The following PLEKHB2 variants were observed in gnomAD, a reference collection of about 807,000 sequenced individuals.
PLEKHB2 encodes the protein pleckstrin homology domain containing B2, also known as pleckstrin homology domain-containing family B member 2.
In PLEKHB2, 31 loss-of-function variants were observed where a neutral mutation model predicts 36.5. The observed-to-expected ratio is 0.85, with a 90% CI of 0.64 to 1.15. PLEKHB2 has a LOEUF of 1.15. Ranked by LOEUF, PLEKHB2 falls within the 50% of genes most tolerant of loss-of-function variation. The pLI is 0.00. For missense variants in PLEKHB2, 262 were observed against 295.3 expected (o/e 0.89, Z 0.83); for synonymous variants, 119 against 112.0 (o/e 1.06, Z -0.39).
intron 7 of PLEKHB2, among the ~76,000 whole-genome samples, chr2:131,143,675 C>T (rs554247806): frequency 4.6e-5 from 7 of 152,160 alleles, no homozygotes; most frequent in Non-Finnish European, 8.8e-5. Flanking sequence ...GTGGAATCAT[C>T]GAGTTGCTTT....
At chr2:131,129,453 T>A (rs1346290104) in intron 4 of PLEKHB2, among the ~76,000 whole-genome samples, 2 of 149,376 alleles carry the variant, frequency 1.3e-5, no homozygotes, top group Admixed American at 6.7e-5. Context: ...ATAAGAGGGA[T>A]AGGGTCAGTA....
chr2:131,131,914 A>G (rs1238106594), intron 5 of PLEKHB2, among the ~76,000 whole-genome samples: 1 of 151,768 alleles, frequency 6.6e-6, no homozygotes, highest in African/African-American at 2.4e-5. Context: ...GCTCACTGCA[A>G]CCTCTGCCTC....
intron 1 of PLEKHB2, among the ~76,000 whole-genome samples, chr2:131,116,397 C>T (rs761077201): frequency 3.3e-5 from 5 of 152,156 alleles, no homozygotes; most frequent in Non-Finnish European, 7.3e-5. Context: ...TCTCATACTC[C>T]TTTAAAGAAC....
At chr2:131,142,526 T>C (rs915840643) in intron 7 of PLEKHB2, among the ~76,000 whole-genome samples, 2 of 152,150 alleles carry the variant, frequency 1.3e-5, no homozygotes, top group African/African-American at 4.8e-5. Flanking sequence ...TTTAATCATT[T>C]TCCTTTTTGT....
intron 6 of PLEKHB2, among the ~76,000 whole-genome samples, chr2:131,136,204 C>CCCTCT (rs1194031621): frequency 1.4e-5 from 2 of 140,694 alleles, no homozygotes; most frequent in Non-Finnish European, 3.0e-5. Context: ...CCCGCCCGTC[C>CCCTCT]CCTCTCCTCC....
intron 2 of PLEKHB2, among the ~76,000 whole-genome samples, chr2:131,122,947 G>C (rs1020823169): frequency 6.6e-6 from 1 of 152,112 alleles, no homozygotes; most frequent in African/African-American, 2.4e-5. Flanking sequence ...GCCCTCCTTT[G>C]GCCCTTTGGA....
intron 6 of PLEKHB2, among the ~76,000 whole-genome samples, chr2:131,135,460 T>C (rs777734961): frequency 2.6e-5 from 4 of 152,262 alleles, no homozygotes; most frequent in African/African-American, 9.6e-5. Context: ...CATCTACAAA[T>C]AGGAATCTGT....
intron 1 of PLEKHB2, among the ~76,000 whole-genome samples, chr2:131,115,196 T>G (rs570994953): frequency 2.6e-5 from 4 of 152,256 alleles, no homozygotes; most frequent in Non-Finnish European, 4.4e-5. Context: ...GTGAGACTTA[T>G]TCACTACCAT....
At chr2:131,144,462 G>A in intron 7 of PLEKHB2, 2 of 1,185,106 alleles carry the variant, frequency 1.7e-6, no homozygotes, top group Non-Finnish European at 2.1e-6. Context: ...AAGTCCAAGA[G>A]CAGACTTCTA....
chr2:131,127,889 C>A (rs1056260110), intron 4 of PLEKHB2, among the ~76,000 whole-genome samples: 1 of 152,168 alleles, frequency 6.6e-6, no homozygotes, highest in Admixed American at 6.5e-5. Context: ...GGGGCCTCAG[C>A]AGAGGCTGGA....
chr2:131,111,160 A>G (rs1003676360), intron 1 of PLEKHB2, among the ~76,000 whole-genome samples: 10 of 152,116 alleles, frequency 6.6e-5, no homozygotes, highest in Admixed American at 3.3e-4. Context: ...GCGTGCCACC[A>G]TGCCTGGCTA....
At chr2:131,145,561 C>G (rs979854216) in intron 7 of PLEKHB2, among the ~76,000 whole-genome samples, 1 of 152,070 alleles carries the variant, frequency 6.6e-6, no homozygotes. Flanking sequence ...TCTAAAACTT[C>G]CGGCCTCAAG....
At chr2:131,139,039 G>A in intron 6 of PLEKHB2, among the ~76,000 whole-genome samples, 1 of 152,230 alleles carries the variant, frequency 6.6e-6, no homozygotes, top group East Asian at 1.9e-4. Flanking sequence ...TGAGGCTGAA[G>A]GCTTTTATGT....
intron 4 of PLEKHB2, among the ~76,000 whole-genome samples, chr2:131,128,955 C>T (rs1464313380): frequency 6.6e-6 from 1 of 152,140 alleles, no homozygotes; most frequent in East Asian, 1.9e-4. Flanking sequence ...TACCCTTTAG[C>T]AAAGTGAATG....
intron 6 of PLEKHB2, 53 bp downstream of exon 6, chr2:131,133,044 G>A (rs749096759): frequency 8.8e-7 from 1 of 1,136,152 alleles, no homozygotes; most frequent in South Asian, 1.2e-5. Context: ...CTCTGCTGCT[G>A]TCCTGCTTTG....
intron 1 of PLEKHB2, among the ~76,000 whole-genome samples, chr2:131,113,213 C>T (rs1695506520): frequency 6.6e-6 from 1 of 152,032 alleles, no homozygotes; most frequent in Admixed American, 6.6e-5. Flanking sequence ...CCCCCAGTAG[C>T]TGGGACTACA....
intron 1 of PLEKHB2, chr2:131,118,858 A>T: frequency 8.7e-6 from 1 of 115,350 alleles, no homozygotes; most frequent in East Asian, 2.7e-4. Flanking sequence ...ACAGAGCAAG[A>T]TTCCGTCTCA....
At chr2:131,108,756 T>C (rs545466923) in intron 1 of PLEKHB2, among the ~76,000 whole-genome samples, 2 of 152,332 alleles carry the variant, frequency 1.3e-5, no homozygotes, top group South Asian at 2.1e-4. Flanking sequence ...TCGGCAAATT[T>C]TGGTAAGGGG....
rs745553229 is a variant in PLEKHB2 at position 131,132,928 on chromosome 2, C to T, written c.360C>T (p.Thr120=). The T allele has an allele frequency of 3.7e-6, 6 of 1,613,164 alleles. No individual in the cohort carries two copies. The highest frequency in any genetic ancestry group is 1.1e-5 in the South Asian group (1 of 91,040). Residue 120 remains threonine, a synonymous_variant, in exon 6 of 8, where the codon ACC becomes ACT. Transcript: ENST00000693505. ...CGTATGTGGGCTCTGCAGTCATGAC[C>T]GATGAGACATCCGTGGTTTCCTCAC... ...NTAYVGSAVM[T]DETSVVSSPP... is the part of the protein sequence containing the mutation.
Sources: gnomAD v4.1 joint callset for allele counts (sites outside exome capture counted in the v4.1 genomes callset) on GRCh38, gnomAD v4.1.1 for gene constraint, MANE v1.5 for transcripts, NCBI Gene and HGNC (gene_info 2026-07-23, HGNC 2026-07-21) for gene names.